The following AKAP13 variants were observed in gnomAD, a reference collection of about 807,000 sequenced individuals.
AKAP13 encodes the protein A-kinase anchor protein 13.
A neutral mutation model predicts 264.5 loss-of-function variants in AKAP13; 80 were observed. That is an observed-to-expected ratio of 0.30 (90% CI 0.25 to 0.36). The LOEUF is 0.36. AKAP13 is among the 10% of genes least tolerant of loss of function. The pLI, the probability that AKAP13 is intolerant of heterozygous loss-of-function variation, is 1.00. For missense variants in AKAP13, 3,712 were observed against 3,435.2 expected (o/e 1.08, Z -2.01); for synonymous variants, 1,380 against 1,250.2 (o/e 1.10, Z -2.19).
At chr15:85,471,244 C>G (rs2074949293) in intron 1 of AKAP13, among the ~76,000 whole-genome samples, 1 of 152,138 alleles carries the variant, frequency 6.6e-6, no homozygotes, top group Admixed American at 6.5e-5. Context: ...GTCTGTAATC[C>G]CAGCACTTTG....
chr15:85,580,302 A>T lies in AKAP13; in HGVS notation c.2234A>T (p.Asp745Val). 6.2e-7 allele frequency: 1 copy of T among 1,614,224 alleles called. No homozygotes were observed. The highest frequency in any genetic ancestry group is 8.5e-7 in the Non-Finnish European group (1 of 1,180,040). Residue 745 changes from aspartate to valine, a missense_variant, in exon 7 of 37, where the codon GAT becomes GTT. Around this residue, in one of 3 missense-constraint regions of AKAP13, gnomAD observed 2,759 missense variants for 2,411.7 expected, o/e 1.14. Transcript: ENST00000394518. ...GTGGATAACAAAGGCCAACGAAAAG[A>T]TGTGAAACTAGATAAACCTTTAACA... ...KVVDNKGQRKDVKLDKPLTNM... is the reference protein window; with the variant it reads ...KVVDNKGQRKVVKLDKPLTNM...
intron 5 of AKAP13, among the ~76,000 whole-genome samples, chr15:85,569,450 TC>T (rs1316816049): frequency 9.4e-6 from 1 of 105,922 alleles, no homozygotes; most frequent in Admixed American, 1.0e-4. Context: ...TTTTTTCTTT[TC>T]TTTTTTTTTT....
intron 1 of AKAP13, among the ~76,000 whole-genome samples, chr15:85,443,555 G>C (rs143382549): frequency 6.6e-6 from 1 of 152,104 alleles, no homozygotes; most frequent in Non-Finnish European, 1.5e-5. Flanking sequence ...AATTTCTGGC[G>C]ATATGGGCAC....
At chr15:85,479,584 A>AT (rs1159142237) in intron 1 of AKAP13, among the ~76,000 whole-genome samples, 1 of 151,948 alleles carries the variant, frequency 6.6e-6, no homozygotes, top group Non-Finnish European at 1.5e-5. Context: ...GCCCCCTCCT[A>AT]TTTTTTTGTG....
At chr15:85,441,918 A>G (rs562899104) in intron 1 of AKAP13, among the ~76,000 whole-genome samples, 2 of 152,262 alleles carry the variant, frequency 1.3e-5, no homozygotes, top group South Asian at 4.1e-4. Flanking sequence ...TTTCTATCAT[A>G]GTTCACTTTG....
At chr15:85,423,030 A>G (rs1269102142) in intron 1 of AKAP13, among the ~76,000 whole-genome samples, 2 of 152,236 alleles carry the variant, frequency 1.3e-5, no homozygotes, top group Non-Finnish European at 2.9e-5. Flanking sequence ...ATTGCATCTA[A>G]AACTGTACAT....
intron 4 of AKAP13, among the ~76,000 whole-genome samples, chr15:85,542,880 C>CA (rs2077618081): frequency 1.3e-5 from 2 of 152,194 alleles, no homozygotes; most frequent in South Asian, 4.1e-4. Flanking sequence ...TACCTCTTCT[C>CA]ATTTGTTACA....
At chr15:85,439,486 C>G (rs377219972) in intron 1 of AKAP13, among the ~76,000 whole-genome samples, 2 of 151,688 alleles carry the variant, frequency 1.3e-5, no homozygotes, top group South Asian at 4.2e-4. Context: ...ACCCAAATGA[C>G]TATAAATCAT....
In AKAP13 at chr15:85,514,000, C is replaced by T. The variant is rs544727002; in HGVS notation, c.34-7428C>T. Among the ~76,000 whole-genome samples, 7 of 137,718 alleles carry T rather than the reference C, an allele frequency of 5.1e-5. 1 individual carries two copies. Among genetic ancestry groups the T allele is most frequent in the South Asian group, 2.2e-4 (1 of 4,508 alleles). 90.3% of individuals were successfully genotyped at this position (137,718 alleles called of 152,430 possible). A position where few individuals can be genotyped will look rare whatever the true frequency, so the allele number is the denominator to read the frequency against. On this transcript the variant is annotated intron_variant, in intron 2 of 36. Transcript: ENST00000394518. ...ACCTGTTCAGTGTATTGGCAGATTTCGCTGAATGAATTCTCCTTTTTTTTT... is the reference window on the plus strand; with the variant it reads ...ACCTGTTCAGTGTATTGGCAGATTTTGCTGAATGAATTCTCCTTTTTTTTT...
chr15:85,645,385 G>A (rs528903038), intron 9 of AKAP13, among the ~76,000 whole-genome samples: 2 of 152,250 alleles, frequency 1.3e-5, no homozygotes, highest in South Asian at 4.1e-4. Context: ...TTATTACTCA[G>A]TAGAACCTAT....
At chr15:85,493,585 C>T (rs193272239) in intron 2 of AKAP13, among the ~76,000 whole-genome samples, 311 of 152,286 alleles carry the variant, frequency 2.0e-3, no homozygotes, top group Non-Finnish European at 3.9e-3. Context: ...GAGATAATAT[C>T]TTACCTAGTT....
chr15:85,714,008 G>T (rs1281143560), intron 19 of AKAP13, among the ~76,000 whole-genome samples: 2 of 152,138 alleles, frequency 1.3e-5, no homozygotes, highest in African/African-American at 4.8e-5. Flanking sequence ...AGGTGTGCCA[G>T]CCCCACCCCC....
Position 85,384,695 on chromosome 15 carries a change from C to T in AKAP13, c.-12+3897C>T, listed in dbSNP as rs543609136. ...TCATGCCACTGTGCTCCAGTCTGGGCGACAGAGCGAGACTCCGTCTGAAAA... is the reference window on the plus strand; with the variant it reads ...TCATGCCACTGTGCTCCAGTCTGGGTGACAGAGCGAGACTCCGTCTGAAAA... On this transcript the variant is annotated intron_variant, in intron 1 of 36. Coordinates refer to ENST00000394518, the MANE Select transcript of AKAP13 (RefSeq NM_007200.5). Among the ~76,000 whole-genome samples, 74 of 142,776 alleles carry T rather than the reference C, an allele frequency of 5.2e-4. 1 individual carries two copies. Among genetic ancestry groups the T allele is most frequent in the African/African-American group, 1.4e-3 (54 of 38,298 alleles). 93.7% of individuals were successfully genotyped at this position (142,776 alleles called of 152,430 possible).
At chr15:85,547,782 A>G (rs1457036494) in intron 5 of AKAP13, among the ~76,000 whole-genome samples, 2 of 152,188 alleles carry the variant, frequency 1.3e-5, no homozygotes, top group Non-Finnish European at 2.9e-5. Flanking sequence ...AGTGATTGAC[A>G]TATATGTTAT....
chr15:85,660,388 G>A (rs1351502571), intron 12 of AKAP13, among the ~76,000 whole-genome samples: 1 of 124,758 alleles, frequency 8.0e-6, no homozygotes. Context: ...AAGCTTTTAT[G>A]TCTGTCTTCC....
rs1162776245 is a variant in AKAP13 at position 85,745,491 on chromosome 15, ACATGTTTTGGC to A, written c.*819_*829del. On this transcript the variant is annotated 3_prime_UTR_variant, in exon 37 of 37. Transcript: ENST00000394518. ...TCCTGGTTTTCCAGCATGTTTACCCACATGTTTTGGCCATGGATAAAGTGAAGAGGCCTACT... is the reference window on the plus strand; with the variant it reads ...TCCTGGTTTTCCAGCATGTTTACCCACATGGATAAAGTGAAGAGGCCTACT... The A allele has an allele frequency of 1.3e-5, 2 of 152,114 alleles. No individual in the cohort carries two copies. Among genetic ancestry groups the A allele is most frequent in the Admixed American group, 1.3e-4 (2 of 15,274 alleles). 9.4% of individuals were successfully genotyped at this position (152,114 alleles called of 1,614,324 possible).
chr15:85,566,999 A>C (rs2078629360), intron 5 of AKAP13, among the ~76,000 whole-genome samples: 6 of 152,216 alleles, frequency 3.9e-5, no homozygotes, highest in Admixed American at 2.6e-4. Context: ...TATATTACTT[A>C]GATCACCTGT....
At chr15:85,701,673 A>AC (rs11444831) in intron 17 of AKAP13, among the ~76,000 whole-genome samples, 151,904 of 151,906 alleles carry the variant, frequency 1, 75,951 homozygotes, top group Non-Finnish European at 1. Context: ...TGAACTCCTG[A>AC]CTCAGGTGAT....
chr15:85,581,827 C>A lies in AKAP13; in HGVS notation c.3759C>A (p.Ser1253Arg), dbSNP rs773395257. The A allele has an allele frequency of 6.2e-7, 1 of 1,614,168 alleles. No individual in the cohort carries two copies. The highest frequency in any genetic ancestry group is 1.7e-5 in the Admixed American group (1 of 60,016). Residue 1253 changes from serine to arginine, a missense_variant, in exon 7 of 37, where the codon AGC becomes AGA. Around this residue, in one of 3 missense-constraint regions of AKAP13, gnomAD observed 2,759 missense variants for 2,411.7 expected, o/e 1.14. Transcript: ENST00000394518. ...KGADLIEEAA[S>R]RIVDAVIEQV... ...CAGACTTGATAGAGGAGGCTGCCAG[C>A]CGTATAGTGGATGCTGTCATCGAAC...
Sources: allele counts gnomAD v4.1 joint callset (sites outside exome capture counted in the v4.1 genomes callset), GRCh38; gene constraint gnomAD v4.1.1; regional missense constraint gnomAD v4.1.1; transcripts MANE v1.5; gene names NCBI Gene and HGNC (gene_info 2026-07-23, HGNC 2026-07-21).